CAMK4: variants seen among roughly 807,000 people sequenced by gnomAD.
CAMK4 encodes calcium/calmodulin-dependent protein kinase type IV.
CAMK4 carries 22 observed loss-of-function variants against 44.9 expected under a neutral mutation model. The observed-to-expected ratio is 0.49, with a 90% CI of 0.35 to 0.70. The LOEUF (loss-of-function observed/expected upper bound fraction) is 0.70. CAMK4 is among the 30% of genes least tolerant of loss of function. The pLI is 0.01. For synonymous variants in CAMK4, 218 were observed against 215.4 expected, an observed-to-expected ratio of 1.01 and a Z score of -0.11; for missense variants, 498 against 586.8, an observed-to-expected ratio of 0.85 and a Z score of 1.56.
intron 8 of CAMK4, among the ~76,000 whole-genome samples, chr5:111,477,777 A>G (rs926069185): frequency 6.6e-6 from 1 of 152,210 alleles, no homozygotes; most frequent in African/African-American, 2.4e-5. Flanking sequence ...TTGCCTGACA[A>G]TAGTTTCAGC....
intron 1 of CAMK4, among the ~76,000 whole-genome samples, chr5:111,317,930 G>GAAAAAAAAAAAAAAAAAAAAA (rs1748501495): frequency 1.1e-4 from 8 of 71,670 alleles, no homozygotes; most frequent in East Asian, 5.5e-4. Context: ...AAAAAAAAAG[G>GAAAAAAAAAAAAAAAAAAAAA]AAAACAGGAT....
chr5:111,466,276 C>T (rs1429994141), intron 7 of CAMK4, among the ~76,000 whole-genome samples: 1 of 152,136 alleles, frequency 6.6e-6, no homozygotes, highest in Non-Finnish European at 1.5e-5. Context: ...AGCATTCCCC[C>T]TGAGAACTGG....
chr5:111,472,528 G>A (rs1755102454), intron 7 of CAMK4, among the ~76,000 whole-genome samples: 1 of 152,154 alleles, frequency 6.6e-6, no homozygotes, highest in Admixed American at 6.5e-5. Flanking sequence ...CAGGGAAAGT[G>A]CCTGGATCCA....
intron 2 of CAMK4, among the ~76,000 whole-genome samples, chr5:111,349,560 C>A (rs570844945): frequency 6.6e-6 from 1 of 151,952 alleles, no homozygotes; most frequent in Non-Finnish European, 1.5e-5. Flanking sequence ...AAAATTTGAA[C>A]AAATTAAGCA....
At chr5:111,478,799 G>A (rs1390116486) in intron 9 of CAMK4, among the ~76,000 whole-genome samples, 1 of 152,156 alleles carries the variant, frequency 6.6e-6, no homozygotes, top group Non-Finnish European at 1.5e-5. Flanking sequence ...GCTGTGCTGG[G>A]TGAATTCAAA....
At chr5:111,401,152 T>G (rs1292447930) in intron 5 of CAMK4, among the ~76,000 whole-genome samples, 1 of 152,212 alleles carries the variant, frequency 6.6e-6, no homozygotes, top group Non-Finnish European at 1.5e-5. Flanking sequence ...TCTCTTCCTT[T>G]TTTTGAGACA....
intron 1 of CAMK4, among the ~76,000 whole-genome samples, chr5:111,248,939 T>C (rs1749358887): frequency 6.7e-6 from 1 of 148,720 alleles, no homozygotes; most frequent in Admixed American, 6.7e-5. Flanking sequence ...TTAAATCCTC[T>C]GAGCTACTTC....
At chr5:111,305,157 A>G (rs1182885496) in intron 1 of CAMK4, among the ~76,000 whole-genome samples, 1 of 95,124 alleles carries the variant, frequency 1.1e-5, no homozygotes, top group East Asian at 3.2e-4. Flanking sequence ...AAGATCCAAA[A>G]TTGACACCCT....
At chr5:111,449,465 A>G (rs1292285100) in intron 7 of CAMK4, among the ~76,000 whole-genome samples, 4 of 152,250 alleles carry the variant, frequency 2.6e-5, no homozygotes, top group Non-Finnish European at 4.4e-5. Context: ...GGGCAGCAGA[A>G]AGACCATCAC....
intron 1 of CAMK4, among the ~76,000 whole-genome samples, chr5:111,282,723 G>A (rs902312170): frequency 4.6e-5 from 7 of 152,158 alleles, no homozygotes; most frequent in Admixed American, 2.6e-4. Context: ...TCAACAATAT[G>A]TTTGTAAGAT....
intron 2 of CAMK4, among the ~76,000 whole-genome samples, chr5:111,365,981 G>T (rs1210868277): frequency 6.6e-6 from 1 of 152,102 alleles, no homozygotes; most frequent in Non-Finnish European, 1.5e-5. Flanking sequence ...CAGTGGTCAA[G>T]ATTTTTCACC....
chr5:111,309,586 G>A (rs1299067614), intron 1 of CAMK4, among the ~76,000 whole-genome samples: 1 of 152,084 alleles, frequency 6.6e-6, no homozygotes, highest in East Asian at 1.9e-4. Context: ...CCATTTTACT[G>A]CCTGCTTAGT....
chr5:111,232,715 T>A (rs1748534820), intron 1 of CAMK4, among the ~76,000 whole-genome samples: 1 of 152,000 alleles, frequency 6.6e-6, no homozygotes, highest in Non-Finnish European at 1.5e-5. Flanking sequence ...TGCCACTACC[T>A]ATAATGTAGA....
chr5:111,380,580 A>G (rs1424495844), intron 4 of CAMK4, among the ~76,000 whole-genome samples: 1 of 152,130 alleles, frequency 6.6e-6, no homozygotes, highest in African/African-American at 2.4e-5. Context: ...TGTTCTCATC[A>G]TTAAGCTCCC....
rs980254389 is a variant in CAMK4 at position 111,424,693 on chromosome 5, C to T, written c.460-21993C>T. ...CGATCTCCTGACCTTGCGATCCGCCCGCCTTGGCCTCCCAAAGTGCTGGGA... is the reference window on the plus strand; with the variant it reads ...CGATCTCCTGACCTTGCGATCCGCCTGCCTTGGCCTCCCAAAGTGCTGGGA... On this transcript the variant is annotated intron_variant, in intron 5 of 10. Transcript: ENST00000282356. 3.2e-4 allele frequency among the ~76,000 whole-genome samples: 49 copies of T among 151,766 alleles called. 1 individual carries two copies. Among genetic ancestry groups the T allele is most frequent in the African/African-American group, 8.9e-4 (37 of 41,486 alleles).
intron 1 of CAMK4, among the ~76,000 whole-genome samples, chr5:111,308,238 C>A (rs1748018884): frequency 7.5e-6 from 1 of 133,740 alleles, no homozygotes; most frequent in Non-Finnish European, 1.5e-5. Flanking sequence ...TACCCTAAAA[C>A]TTAGAGTATA....
At chr5:111,224,303 G>A (rs1217284774), upstream of CAMK4, 4 of 888,512 alleles carry the variant, frequency 4.5e-6, no homozygotes, top group African/African-American at 5.4e-5. The surrounding 1 kb of genome is among the most constrained non-coding windows in gnomAD (Gnocchi z 5.7). Flanking sequence ...CTCTCGCAGA[G>A]GCTCGCCCCC....
At chr5:111,302,726 A>C (rs1294002627) in intron 1 of CAMK4, among the ~76,000 whole-genome samples, 1 of 66,154 alleles carries the variant, frequency 1.5e-5, no homozygotes, top group Non-Finnish European at 2.7e-5. Context: ...GGAAGCTCGA[A>C]CTGGGTGGAG....
intron 4 of CAMK4, among the ~76,000 whole-genome samples, chr5:111,386,365 C>G (rs1273617248): frequency 6.6e-6 from 1 of 152,182 alleles, no homozygotes; most frequent in Non-Finnish European, 1.5e-5. Context: ...ACATTCTCAT[C>G]AGACCATTAT....
Sources: allele counts gnomAD v4.1 joint callset (sites outside exome capture counted in the v4.1 genomes callset), GRCh38; gene constraint gnomAD v4.1.1; non-coding constraint Gnocchi (gnomAD v3.1); transcripts MANE v1.5; gene names NCBI Gene and HGNC (gene_info 2026-07-23, HGNC 2026-07-21).